DOCK2: variants seen among roughly 807,000 people sequenced by gnomAD.
DOCK2 encodes the protein dedicator of cytokinesis protein 2.
DOCK2 carries 87 observed loss-of-function variants against 248.9 expected under a neutral mutation model. That is an observed-to-expected ratio of 0.35 (90% confidence interval 0.29 to 0.42). The LOEUF (loss-of-function observed/expected upper bound fraction) is 0.42. DOCK2 is among the 10% of genes least tolerant of loss of function. DOCK2 has a pLI of 1.00. For missense variants in DOCK2, 1,747 were observed against 2,300.2 expected, an observed-to-expected ratio of 0.76 and a Z score of 4.92; for synonymous variants, 805 against 821.6, an observed-to-expected ratio of 0.98 and a Z score of 0.35.
intron 27 of DOCK2, among the ~76,000 whole-genome samples, chr5:169,871,453 A>G (rs1025897911): frequency 1.3e-5 from 2 of 152,230 alleles, no homozygotes; most frequent in Admixed American, 1.3e-4. Context: ...CTATGCTACA[A>G]GTTTACACTC....
At chr5:169,789,980 A>G (rs764135886) in intron 25 of DOCK2, among the ~76,000 whole-genome samples, 1 of 152,208 alleles carries the variant, frequency 6.6e-6, no homozygotes, top group Non-Finnish European at 1.5e-5. Flanking sequence ...GTAATAAACA[A>G]CACTAGGTTT....
intron 49 of DOCK2, 71 bp downstream of exon 49, chr5:170,079,217 C>T (rs1757942271): frequency 6.5e-7 from 1 of 1,540,274 alleles, no homozygotes; most frequent in Non-Finnish European, 8.8e-7. Flanking sequence ...GCACAAAACC[C>T]AGGGCTTCCA....
chr5:169,859,798 G>A (rs1266633975), intron 27 of DOCK2, among the ~76,000 whole-genome samples: 1 of 152,070 alleles, frequency 6.6e-6, no homozygotes, highest in Non-Finnish European at 1.5e-5. Flanking sequence ...AAGGGACCTG[G>A]CTCTTAAAGT....
intron 23 of DOCK2, among the ~76,000 whole-genome samples, chr5:169,756,422 C>T (rs1204921807): frequency 6.6e-6 from 1 of 152,100 alleles, no homozygotes; most frequent in African/African-American, 2.4e-5. Flanking sequence ...ATGATGAGTA[C>T]GCGTTATAAT....
intron 27 of DOCK2, among the ~76,000 whole-genome samples, chr5:169,976,437 G>C (rs2113774471): frequency 6.6e-6 from 1 of 152,262 alleles, no homozygotes; most frequent in East Asian, 1.9e-4. Flanking sequence ...CTGTGCCTCT[G>C]GCACCTAGCA....
At chr5:169,660,083 T>C (rs1445821166) in intron 2 of DOCK2, among the ~76,000 whole-genome samples, 1 of 152,152 alleles carries the variant, frequency 6.6e-6, no homozygotes, top group African/African-American at 2.4e-5. Context: ...ATTGTAGAAA[T>C]AGCCAGGTAG....
intron 32 of DOCK2, among the ~76,000 whole-genome samples, chr5:170,010,035 A>G (rs1213849092): frequency 6.6e-6 from 1 of 152,160 alleles, no homozygotes; most frequent in Non-Finnish European, 1.5e-5. Context: ...GCACCCTCAC[A>G]GGGGGCTTAT....
At chr5:169,800,750 G>A (rs1196071083) in intron 25 of DOCK2, among the ~76,000 whole-genome samples, 1 of 151,974 alleles carries the variant, frequency 6.6e-6, no homozygotes, top group African/African-American at 2.4e-5. Context: ...GTATTTAGAA[G>A]AAAGGGAATA....
At chr5:169,705,727 T>G (rs1761225096) in intron 14 of DOCK2, among the ~76,000 whole-genome samples, 1 of 152,234 alleles carries the variant, frequency 6.6e-6, no homozygotes, top group Admixed American at 6.5e-5. Context: ...AGGAGAACAC[T>G]GTCTTTCCTA....
At chr5:169,863,852 CTCCCTCTACCTTCCGGG>C (rs1282522324) in intron 27 of DOCK2, among the ~76,000 whole-genome samples, 1 of 152,216 alleles carries the variant, frequency 6.6e-6, no homozygotes, top group African/African-American at 2.4e-5. Context: ...AACCTATAAC[CTCCCTCTACCTTCCGGG>C]TCTGCACAAC....
chr5:169,669,535 C>G (rs1055916765), intron 3 of DOCK2, among the ~76,000 whole-genome samples: 2 of 152,154 alleles, frequency 1.3e-5, no homozygotes, highest in Non-Finnish European at 2.9e-5. Context: ...AGGTTCATCT[C>G]TGGTGCCATC....
At chr5:169,869,432 A>G (rs1315273875) in intron 27 of DOCK2, among the ~76,000 whole-genome samples, 2 of 152,212 alleles carry the variant, frequency 1.3e-5, no homozygotes, top group African/African-American at 4.8e-5. Flanking sequence ...GAAATTGATT[A>G]ATGTTTTTTA....
chr5:169,729,136 A>C (rs1401276990), intron 22 of DOCK2, among the ~76,000 whole-genome samples: 1 of 151,994 alleles, frequency 6.6e-6, no homozygotes, highest in Non-Finnish European at 1.5e-5. Context: ...GTGTAGATTT[A>C]GAAACTGCAT....
At chr5:169,780,256 G>A (rs1765626510) in intron 25 of DOCK2, among the ~76,000 whole-genome samples, 1 of 150,732 alleles carries the variant, frequency 6.6e-6, no homozygotes, top group Non-Finnish European at 1.5e-5. Flanking sequence ...GTCAGCTCTG[G>A]TTAGATTTGT....
intron 26 of DOCK2, among the ~76,000 whole-genome samples, chr5:169,835,079 C>T (rs1002671820): frequency 4.2e-4 from 64 of 151,768 alleles, no homozygotes; most frequent in African/African-American, 1.5e-3. Flanking sequence ...GAGGAGTGTG[C>T]AAGAAATGGG....
At chr5:170,057,832 G>A (rs1046533457) in intron 44 of DOCK2, among the ~76,000 whole-genome samples, 166 bp downstream of exon 44, 21 of 143,010 alleles carry the variant, frequency 1.5e-4, no homozygotes, top group Non-Finnish European at 4.6e-5. Context: ...GTGCCTTTCA[G>A]ATTTTTTTTT....
chr5:169,939,081 T>G (rs1776121312), intron 27 of DOCK2, among the ~76,000 whole-genome samples: 1 of 152,090 alleles, frequency 6.6e-6, no homozygotes. Context: ...TTTTTTTGTA[T>G]TTTTAGTAGA....
At chr5:169,732,395 C>T (rs546975235) in intron 22 of DOCK2, among the ~76,000 whole-genome samples, 4 of 152,126 alleles carry the variant, frequency 2.6e-5, no homozygotes, top group Admixed American at 2.0e-4. Flanking sequence ...CATCCACGCC[C>T]GTTGCTTCAG....
intron 44 of DOCK2, among the ~76,000 whole-genome samples, chr5:170,059,410 G>A (rs2113860633): frequency 6.6e-6 from 1 of 152,206 alleles, no homozygotes; most frequent in African/African-American, 2.4e-5. Flanking sequence ...AGCCCTGACT[G>A]AGCCCTGTCA....
Sources: allele counts gnomAD v4.1 joint callset (sites outside exome capture counted in the v4.1 genomes callset), GRCh38; gene constraint gnomAD v4.1.1; transcripts MANE v1.5; gene names NCBI Gene and HGNC (gene_info 2026-07-23, HGNC 2026-07-21).